NRXN3: variants seen among roughly 807,000 people sequenced by gnomAD.
NRXN3 encodes neurexin III.
In NRXN3, 32 loss-of-function variants were observed where a neutral mutation model predicts 137.6. The ratio of observed to expected loss-of-function variants is 0.23; its 90% CI spans 0.18 to 0.31. The LOEUF is 0.31. NRXN3 is among the 10% of genes least tolerant of loss of function. The probability of loss-of-function intolerance (pLI) is 1.00; values close to 1 mark genes in which losing one functional copy is unlikely to be tolerated. For synonymous variants in NRXN3, 798 were observed against 784.5 expected, an observed-to-expected ratio of 1.02 and a Z score of -0.29; for missense variants, 1,574 against 2,062.5, an observed-to-expected ratio of 0.76 and a Z score of 4.59.
intron 15 of NRXN3, among the ~76,000 whole-genome samples, chr14:79,136,012 G>A (rs556983373): frequency 2.3e-4 from 35 of 152,214 alleles, no homozygotes; most frequent in Non-Finnish European, 4.4e-4. Flanking sequence ...GATTGACTTT[G>A]TCTTTCTTTT....
intron 6 of NRXN3, among the ~76,000 whole-genome samples, chr14:78,654,374 C>G (rs2097769708): frequency 6.6e-6 from 1 of 152,160 alleles, no homozygotes; most frequent in Non-Finnish European, 1.5e-5. Flanking sequence ...CTAAATGAAA[C>G]AAGGTGATTT....
At chr14:78,450,855 C>T (rs1312464172) in intron 4 of NRXN3, among the ~76,000 whole-genome samples, 1 of 152,178 alleles carries the variant, frequency 6.6e-6, no homozygotes, top group East Asian at 1.9e-4. Context: ...ACTTTCCTCT[C>T]AGCCACACAG....
chr14:79,040,199 C>T (rs2099622907), intron 15 of NRXN3, among the ~76,000 whole-genome samples: 1 of 152,202 alleles, frequency 6.6e-6, no homozygotes, highest in Admixed American at 6.5e-5. Flanking sequence ...AAAGTAAACT[C>T]TCTAAGATCA....
intron 19 of NRXN3, among the ~76,000 whole-genome samples, chr14:79,737,508 G>A (rs1235104757): frequency 1.3e-5 from 2 of 152,084 alleles, no homozygotes; most frequent in Non-Finnish European, 2.9e-5. Context: ...AATATATATT[G>A]TTATTCCTGC....
At chr14:79,279,108 C>T (rs907423188) in intron 15 of NRXN3, among the ~76,000 whole-genome samples, 23 of 152,168 alleles carry the variant, frequency 1.5e-4, no homozygotes, top group African/African-American at 5.3e-4. Flanking sequence ...GGCGCAGTGT[C>T]GGTCTGTCGG....
chr14:79,492,254 A>G (rs889128571), intron 16 of NRXN3, among the ~76,000 whole-genome samples: 6 of 152,240 alleles, frequency 3.9e-5, no homozygotes, highest in Non-Finnish European at 7.3e-5. Flanking sequence ...CACCCTAAAC[A>G]TAATTATATG....
chr14:79,307,120 A>T (rs1381572662), intron 15 of NRXN3, among the ~76,000 whole-genome samples: 2 of 152,112 alleles, frequency 1.3e-5, no homozygotes, highest in Non-Finnish European at 2.9e-5. Context: ...AATGTTAGCA[A>T]TGCACCAAAG....
At chr14:78,532,375 TTG>T (rs56788209) in intron 4 of NRXN3, among the ~76,000 whole-genome samples, 52,097 of 138,380 alleles carry the variant, frequency 0.38, 10,642 homozygotes, top group East Asian at 0.5. Flanking sequence ...TGATGATATT[TTG>T]TGTGTGTGTG....
chr14:79,816,632 C>T (rs1188264878), intron 20 of NRXN3, among the ~76,000 whole-genome samples: 2 of 152,158 alleles, frequency 1.3e-5, no homozygotes, highest in African/African-American at 4.8e-5. Context: ...AAGACTATCC[C>T]AGATACATTT....
intron 4 of NRXN3, among the ~76,000 whole-genome samples, chr14:78,596,380 G>A (rs2097158227): frequency 6.6e-6 from 1 of 152,168 alleles, no homozygotes; most frequent in Non-Finnish European, 1.5e-5. Context: ...GTGTGGTACT[G>A]CATCAGCCTA....
At chr14:79,620,558 C>G (rs866943383) in intron 16 of NRXN3, among the ~76,000 whole-genome samples, 1 of 152,154 alleles carries the variant, frequency 6.6e-6, no homozygotes, top group Middle Eastern at 3.4e-3. Flanking sequence ...AAGGAAGAAC[C>G]TCCCTGGCAG....
chr14:79,349,185 G>A (rs558779881), intron 15 of NRXN3, among the ~76,000 whole-genome samples: 4 of 151,926 alleles, frequency 2.6e-5, no homozygotes, highest in East Asian at 1.9e-4. Context: ...CAATTCCTAC[G>A]CTACAAGTTC....
At chr14:78,815,479 C>CTTTTTTTTTTTTT (rs61411777) in intron 10 of NRXN3, among the ~76,000 whole-genome samples, 15 of 84,434 alleles carry the variant, frequency 1.8e-4, no homozygotes, top group East Asian at 4.5e-4. Context: ...TTGTTTCTTT[C>CTTTTTTTTTTTTT]TTTTTTTTTT....
chr14:79,088,523 A>G (rs533560738), intron 15 of NRXN3, among the ~76,000 whole-genome samples: 1 of 140,078 alleles, frequency 7.1e-6, no homozygotes, highest in African/African-American at 3.3e-5. Flanking sequence ...TGAATATTTT[A>G]TTATAATTAT....
chr14:79,432,388 G>A (rs1238797572), intron 15 of NRXN3, among the ~76,000 whole-genome samples: 1 of 152,034 alleles, frequency 6.6e-6, no homozygotes, highest in Non-Finnish European at 1.5e-5. Context: ...ACCAGTTGCT[G>A]GCCTCTGTGC....
chr14:79,856,252 A>G (rs2141849841), intron 20 of NRXN3, among the ~76,000 whole-genome samples: 1 of 152,276 alleles, frequency 6.6e-6, no homozygotes, highest in East Asian at 1.9e-4. Context: ...CTGTTTGTCC[A>G]TGACTATTTT....
At chr14:79,063,099 A>G (rs2099676247) in intron 15 of NRXN3, among the ~76,000 whole-genome samples, 1 of 152,158 alleles carries the variant, frequency 6.6e-6, no homozygotes, top group African/African-American at 2.4e-5. Flanking sequence ...ATACATTTGC[A>G]TATGGTTTTG....
chr14:79,793,708 ATT>A (rs1462604466), intron 19 of NRXN3, among the ~76,000 whole-genome samples: 1 of 152,208 alleles, frequency 6.6e-6, no homozygotes, highest in African/African-American at 2.4e-5. Flanking sequence ...TCAATAGTCT[ATT>A]TGTTATGTTT....
At chr14:78,249,605 A>C (rs2068266921) in intron 2 of NRXN3, among the ~76,000 whole-genome samples, 1 of 152,152 alleles carries the variant, frequency 6.6e-6, no homozygotes, top group Non-Finnish European at 1.5e-5. Flanking sequence ...GCAGAGCTAG[A>C]GTAAGGGAGG....
Sources: allele counts gnomAD v4.1 joint callset (sites outside exome capture counted in the v4.1 genomes callset), GRCh38; gene constraint gnomAD v4.1.1; transcripts MANE v1.5; gene names NCBI Gene and HGNC (gene_info 2026-07-23, HGNC 2026-07-21).